INSL6: variants seen among roughly 807,000 people sequenced by gnomAD.
INSL6 encodes insulin like 6, also known as insulin-like peptide INSL6.
Under a neutral mutation model 9.4 loss-of-function variants are expected in INSL6, and 16 were observed. The observed-to-expected ratio is 1.70, with a 90% confidence interval of 1.15 to 2.59. INSL6 has a LOEUF of 2.59. INSL6 is among the 30% of genes most tolerant of loss of function. INSL6 has a pLI of 0.00. For synonymous variants in INSL6, 154 were observed against 96.9 expected, an observed-to-expected ratio of 1.59 and a Z score of -3.46; for missense variants, 391 against 257.3, an observed-to-expected ratio of 1.52 and a Z score of -3.56.
chr9:5,153,996 A>G (rs1312218699), intron 2 of INSL6, among the ~76,000 whole-genome samples: 2 of 152,224 alleles, frequency 1.3e-5, no homozygotes, highest in African/African-American at 4.8e-5. Flanking sequence ...TGGAACCAAA[A>G]AAGAGCCTGC....
the INSL6 span, among the ~76,000 whole-genome samples, chr9:5,054,251 T>C: frequency 6.6e-6 from 1 of 152,016 alleles, no homozygotes; most frequent in African/African-American, 2.4e-5. The surrounding 1 kb of genome is among the most constrained non-coding windows in gnomAD (Gnocchi z 4.9). Flanking sequence ...GTATGTGAAA[T>C]AGAGAAAAGG....
the INSL6 span, among the ~76,000 whole-genome samples, chr9:4,993,322 T>A: frequency 6.6e-6 from 1 of 152,176 alleles, no homozygotes; most frequent in Non-Finnish European, 1.5e-5. Context: ...CTAGATTGGA[T>A]CTTTGCTCTG....
At chr9:5,142,759 G>A (rs1362237530) in intron 2 of INSL6, among the ~76,000 whole-genome samples, 1 of 152,148 alleles carries the variant, frequency 6.6e-6, no homozygotes, top group African/African-American at 2.4e-5. Context: ...GGGAGAGAGG[G>A]CATCCTTGTT....
the INSL6 span, chr9:5,112,450 G>A: frequency 3.7e-6 from 2 of 534,334 alleles, no homozygotes; most frequent in East Asian, 3.5e-5. Context: ...GGAGAAGAAG[G>A]AGCTGAAGGA....
the INSL6 span, among the ~76,000 whole-genome samples, chr9:5,062,733 A>T: frequency 6.6e-6 from 1 of 152,000 alleles, no homozygotes. Flanking sequence ...CCAACACTGG[A>T]TGTTATCAAT....
At chr9:5,129,258 TAAATTG>T (rs1413938635) in intron 3 of INSL6, among the ~76,000 whole-genome samples, 1 of 152,086 alleles carries the variant, frequency 6.6e-6, no homozygotes, top group Non-Finnish European at 1.5e-5. Flanking sequence ...ATGCTCCCCC[TAAATTG>T]AAATAGTGAT....
chr9:5,128,012 C>A (rs566526825), intron 3 of INSL6: 13 of 230,372 alleles, frequency 5.6e-5, no homozygotes, highest in Non-Finnish European at 8.6e-5. Flanking sequence ...AGGGGTTGTT[C>A]GTTGTTGTCA....
At chr9:5,173,614 T>G (rs550857574) in intron 1 of INSL6, among the ~76,000 whole-genome samples, 1 of 148,956 alleles carries the variant, frequency 6.7e-6, no homozygotes, top group South Asian at 2.2e-4. Context: ...TGTCAGAGGG[T>G]GGGGTTGGGG....
chr9:5,005,360 A>G, the INSL6 span, among the ~76,000 whole-genome samples: 1 of 150,770 alleles, frequency 6.6e-6, no homozygotes. Flanking sequence ...TTGGATATTA[A>G]CTCCTTATCA....
chr9:5,139,744 C>G (rs1464080038), intron 2 of INSL6, among the ~76,000 whole-genome samples: 1 of 152,162 alleles, frequency 6.6e-6, no homozygotes, highest in Non-Finnish European at 1.5e-5. Context: ...AGGAACACAG[C>G]CAGGCTAGAG....
intron 1 of INSL6, among the ~76,000 whole-genome samples, chr9:5,185,031 G>T (rs1015562700): frequency 2.0e-5 from 3 of 151,890 alleles, no homozygotes; most frequent in Non-Finnish European, 4.4e-5. Context: ...GGGCTTTGAA[G>T]GACAAAAAGG....
the INSL6 span, chr9:5,090,726 GT>G: frequency 1.9e-6 from 3 of 1,575,022 alleles, no homozygotes; most frequent in African/African-American, 2.8e-5. Context: ...AAAGAAAAAT[GT>G]TTTATCCATA....
At chr9:5,109,771 T>C in the INSL6 span, 1 of 152,218 alleles carries the variant, frequency 6.6e-6, no homozygotes. Context: ...ATTTGTTACC[T>C]GTAGAATTCT....
chr9:5,069,313 C>A, the INSL6 span: 1 of 695,650 alleles, frequency 1.4e-6, no homozygotes, highest in African/African-American at 1.8e-5. Context: ...AAAGAAGCAG[C>A]TCTAAAAGTT....
At chr9:5,094,780 GACT>G in the INSL6 span, 7 of 152,164 alleles carry the variant, frequency 4.6e-5, no homozygotes, top group Non-Finnish European at 1.0e-4. Context: ...TAAATGCCCT[GACT>G]ACTACTATTT....
chr9:5,168,892 C>T (rs1436080649), intron 1 of INSL6, among the ~76,000 whole-genome samples: 1 of 151,590 alleles, frequency 6.6e-6, no homozygotes, highest in African/African-American at 2.4e-5. Flanking sequence ...GGAAACCCTA[C>T]AAGCCAGAAG....
At chr9:5,129,085 A>G (rs772267127) in intron 3 of INSL6, among the ~76,000 whole-genome samples, 1 of 152,002 alleles carries the variant, frequency 6.6e-6, no homozygotes, top group Non-Finnish European at 1.5e-5. Context: ...TTTACAGTCA[A>G]GTGTAATTTT....
the INSL6 span, chr9:5,114,206 G>A: frequency 2.0e-6 from 1 of 494,514 alleles, no homozygotes. Flanking sequence ...ACCTGAGCCG[G>A]TCCAGCCCCT....
the INSL6 span, among the ~76,000 whole-genome samples, chr9:5,020,177 CGAT>C: frequency 6.6e-6 from 1 of 152,076 alleles, no homozygotes; most frequent in African/African-American, 2.4e-5. Context: ...GCAGTGACGG[CGAT>C]TGGCTGGGTA....
Sources: gnomAD v4.1 joint callset for allele counts (sites outside exome capture counted in the v4.1 genomes callset) on GRCh38, gnomAD v4.1.1 for gene constraint, Gnocchi (gnomAD v3.1) non-coding constraint, MANE v1.5 for transcripts, NCBI Gene and HGNC (gene_info 2026-07-23, HGNC 2026-07-21) for gene names.